The following RFTN1 variants were observed in gnomAD, a reference collection of about 807,000 sequenced individuals.
The protein encoded by RFTN1 is raftlin.
Under a neutral mutation model 46.5 loss-of-function variants are expected in RFTN1, and 26 were observed. That is an observed-to-expected ratio of 0.56 (90% confidence interval 0.41 to 0.78). The LOEUF (loss-of-function observed/expected upper bound fraction) is 0.78. Among genes scored for constraint, RFTN1 ranks in the 30% least tolerant of loss-of-function variants. The probability of loss-of-function intolerance (pLI) is 0.00; values close to 1 mark genes in which losing one functional copy is unlikely to be tolerated. For missense variants in RFTN1, 693 were observed against 718.7 expected, an observed-to-expected ratio of 0.96 and a Z score of 0.41; for synonymous variants, 261 against 284.2, an observed-to-expected ratio of 0.92 and a Z score of 0.82.
At chr3:16,357,116 A>G (rs2072489480) in intron 7 of RFTN1, among the ~76,000 whole-genome samples, 1 of 41,698 alleles carries the variant, frequency 2.4e-5, no homozygotes, top group African/African-American at 9.3e-5. Flanking sequence ...TGCCATCTCA[A>G]AAAAAAAAAA....
In RFTN1 at chr3:16,345,534, C is replaced by A. The variant is rs1304198792; in HGVS notation, c.1146+12398G>T. 6.6e-6 allele frequency among the ~76,000 whole-genome samples: 1 copy of A among 152,054 alleles called. No homozygotes were observed. The highest frequency in any genetic ancestry group is 1.9e-4 in the East Asian group (1 of 5,196). On this transcript the variant is annotated intron_variant, in intron 7 of 9. Transcript: ENST00000334133. The surrounding 1 kb of genome is among the most constrained non-coding windows in gnomAD (Gnocchi z 5.2). ...GTGGACACCATCCAGTCATTGAGGACCTGAACAGAACAAAGGGTGGAGGAA... is the reference window on the plus strand; with the variant it reads ...GTGGACACCATCCAGTCATTGAGGAACTGAACAGAACAAAGGGTGGAGGAA...
chr3:16,384,897 A>G lies in RFTN1; in HGVS notation c.442-6795T>C, dbSNP rs754534721. Among the ~76,000 whole-genome samples the G allele has an allele frequency of 5.9e-5, 9 of 152,162 alleles. No individual in the cohort carries two copies. Among genetic ancestry groups the G allele is most frequent in the Non-Finnish European group, 5.9e-5 (4 of 68,022 alleles). On this transcript the variant is annotated intron_variant, in intron 4 of 9. Coordinates refer to ENST00000334133, the MANE Select transcript of RFTN1 (RefSeq NM_015150.2). The surrounding 1 kb of genome is among the most constrained non-coding windows in gnomAD (Gnocchi z 4.7). The stretch of plus-strand genomic sequence containing the variant: ...CATATCCATCATCATAGAACGTTCT[A>G]TTGGGTAGCTCTGCTATAGAGCATA...
rs1252228760 is a variant in RFTN1 at position 16,422,474 on chromosome 3, C to CA, written c.332+11376dup. ...TGAAACCCCGTTTCTACTAAAAATA[C>CA]AAAAAAATTAGCTGGGCGTGGTGGC... On this transcript the variant is annotated intron_variant, in intron 3 of 9. Transcript: ENST00000334133. This position sits in a 1 kb window ranked among gnomAD's most constrained non-coding sequence, Gnocchi z 4.6. Among the ~76,000 whole-genome samples, 16 of 151,544 alleles carry CA rather than the reference C, an allele frequency of 1.1e-4. No homozygotes were observed. The highest frequency in any genetic ancestry group is 3.2e-4 in the African/African-American group (13 of 41,236).
intron 7 of RFTN1, among the ~76,000 whole-genome samples, chr3:16,330,727 TATA>T (rs1034548535): frequency 2.6e-5 from 4 of 152,250 alleles, no homozygotes; most frequent in African/African-American, 9.6e-5. Context: ...CTTTGTTCCC[TATA>T]ATTTCTCCAG....
At chr3:16,490,733 C>A (rs1208004884) in intron 2 of RFTN1, among the ~76,000 whole-genome samples, 1 of 152,114 alleles carries the variant, frequency 6.6e-6, no homozygotes, top group African/African-American at 2.4e-5. Context: ...TAGCCCAAAG[C>A]CCAAAATAAC....
In RFTN1 at chr3:16,356,605, C is replaced by T. The variant is rs2072452545; in HGVS notation, c.1146+1327G>A. Among the ~76,000 whole-genome samples the T allele has an allele frequency of 1.3e-5, 2 of 152,244 alleles. No individual in the cohort carries two copies. ...AACTCACCCCCCACCATCCCATCTC[C>T]ACTTCAATAACCAGGCAAGGGACTG... On this transcript the variant is annotated intron_variant, in intron 7 of 9. Transcript: ENST00000334133. The surrounding 1 kb of genome is among the most constrained non-coding windows in gnomAD (Gnocchi z 4.9).
intron 4 of RFTN1, among the ~76,000 whole-genome samples, chr3:16,394,696 G>A (rs578241): frequency 6.6e-6 from 1 of 152,128 alleles, no homozygotes; most frequent in African/African-American, 2.4e-5. Context: ...TTATGCACTC[G>A]CCTGTATTGA....
In RFTN1 at chr3:16,322,248, C is replaced by T. The variant is rs1345633065; in HGVS notation, c.1332+1128G>A. Reference sequence around the variant, plus strand: ...CACCTGTCACATTACACCTTCAGAGCCTGGAGAAAGACCTTCCTCCACACT... The same window carrying T: ...CACCTGTCACATTACACCTTCAGAGTCTGGAGAAAGACCTTCCTCCACACT... On this transcript the variant is annotated intron_variant, in intron 9 of 9. Coordinates refer to ENST00000334133, the MANE Select transcript of RFTN1 (RefSeq NM_015150.2). The surrounding 1 kb of genome is among the most constrained non-coding windows in gnomAD (Gnocchi z 6.2). 6.6e-6 allele frequency among the ~76,000 whole-genome samples: 1 copy of T among 152,200 alleles called. No individual in the cohort carries two copies. Among genetic ancestry groups the T allele is most frequent in the African/African-American group, 2.4e-5 (1 of 41,452 alleles).
At chr3:16,323,298 C>G (rs1304666786) in intron 9 of RFTN1, 78 bp downstream of exon 9, 3 of 1,074,228 alleles carry the variant, frequency 2.8e-6, no homozygotes, top group African/African-American at 3.2e-5. Context: ...GCAGGCTGCC[C>G]CCTCAAATGC....
chr3:16,323,104 A>G (rs544537458), intron 9 of RFTN1, among the ~76,000 whole-genome samples: 1 of 152,156 alleles, frequency 6.6e-6, no homozygotes, highest in Non-Finnish European at 1.5e-5. Context: ...CCTAGTGGGA[A>G]TATCTAGCAG....
chr3:16,338,072 AC>A lies in RFTN1; in HGVS notation c.1147-11197del, dbSNP rs1194842392. ...CATGCCAAGCTGGCAAGAAAACCAA[AC>A]CTGCATGTGCAAGATAACATTCTCC... On this transcript the variant is annotated intron_variant, in intron 7 of 9. Coordinates refer to ENST00000334133, the MANE Select transcript of RFTN1 (RefSeq NM_015150.2). The surrounding 1 kb of genome is among the most constrained non-coding windows in gnomAD (Gnocchi z 5.3). Among the ~76,000 whole-genome samples the A allele has an allele frequency of 6.6e-6, 1 of 152,158 alleles. No individual in the cohort carries two copies. Among genetic ancestry groups the A allele is most frequent in the Non-Finnish European group, 1.5e-5 (1 of 68,018 alleles).
In RFTN1 at chr3:16,424,753, T is replaced by A. The variant is rs1427595681; in HGVS notation, c.332+9098A>T. Among the ~76,000 whole-genome samples the A allele has an allele frequency of 1.3e-5, 2 of 152,194 alleles. No individual in the cohort carries two copies. Among genetic ancestry groups the A allele is most frequent in the Non-Finnish European group, 2.9e-5 (2 of 68,026 alleles). On this transcript the variant is annotated intron_variant, in intron 3 of 9. Transcript: ENST00000334133. This position sits in a 1 kb window ranked among gnomAD's most constrained non-coding sequence, Gnocchi z 4.7. ...TTAAAATATAAAATTTGGACAGATT[T>A]TAGAGACAATCATTATATAAAAATC...
chr3:16,414,364 C>T (rs1251512402), intron 3 of RFTN1, among the ~76,000 whole-genome samples: 2 of 151,208 alleles, frequency 1.3e-5, no homozygotes, highest in East Asian at 1.9e-4. Context: ...CCTAGCACTT[C>T]GGGAGGCTGA....
At chr3:16,502,772 C>T (rs1479492172) in intron 1 of RFTN1, among the ~76,000 whole-genome samples, 2 of 152,250 alleles carry the variant, frequency 1.3e-5, no homozygotes, top group African/African-American at 4.8e-5. Flanking sequence ...AACATCCTCA[C>T]TGCAACCTCA....
At position 16,500,072 on chromosome 3, in the gene RFTN1, G is replaced by A. The variant is rs139130941; in HGVS notation, c.-8-6195C>T. ...GCATCAGCCCACTAGGTGGAATCAT[G>A]CCCAGCGGTGCTATTCACTGACTTT... On this transcript the variant is annotated intron_variant, in intron 1 of 9. Coordinates refer to ENST00000334133, the MANE Select transcript of RFTN1 (RefSeq NM_015150.2). The surrounding 1 kb of genome is among the most constrained non-coding windows in gnomAD (Gnocchi z 5.9). Among the ~76,000 whole-genome samples the A allele has an allele frequency of 6.6e-6, 1 of 152,318 alleles. No individual in the cohort carries two copies. The highest frequency in any genetic ancestry group is 1.5e-5 in the Non-Finnish European group (1 of 68,032).
At position 16,495,225 on chromosome 3, in the gene RFTN1, C is replaced by A. The variant is rs531653557; in HGVS notation, c.-8-1348G>T. Among the ~76,000 whole-genome samples, 3 of 152,304 alleles carry A rather than the reference C, an allele frequency of 2.0e-5. No homozygotes were observed. The East Asian group carries it at 5.8e-4, about 29-fold the overall frequency. The stretch of plus-strand genomic sequence containing the variant: ...ACTTGTAAAATACTCTGTAGTTCTG[C>A]AGATGAAACAGCTGATATGTAAAAG... On this transcript the variant is annotated intron_variant, in intron 1 of 9. Transcript: ENST00000334133.
chr3:16,316,693 G>A lies in RFTN1; in HGVS notation c.*135C>T. The A allele has an allele frequency of 1.0e-6, 1 of 999,782 alleles. No individual in the cohort carries two copies. The highest frequency in any genetic ancestry group is 2.2e-5 in the Admixed American group (1 of 45,984). The allele number at this position is 999,782 out of a possible 1,614,324, so 61.9% of individuals were successfully genotyped here. A position where few individuals can be genotyped will look rare whatever the true frequency, so the allele number is the denominator to read the frequency against. On this transcript the variant is annotated 3_prime_UTR_variant, in exon 10 of 10. Coordinates refer to ENST00000334133, the MANE Select transcript of RFTN1 (RefSeq NM_015150.2). The surrounding 1 kb of genome is among the most constrained non-coding windows in gnomAD (Gnocchi z 4.5). ...CCTGGCCCTGGGAGGGCTCAGGTGAGCTCACAAGGAGAGGTCAAGCCAAGC... is the reference window on the plus strand; with the variant it reads ...CCTGGCCCTGGGAGGGCTCAGGTGAACTCACAAGGAGAGGTCAAGCCAAGC...
At position 16,465,432 on chromosome 3, in the gene RFTN1, A is replaced by G. The variant is rs1195417387; in HGVS notation, c.145+28293T>C. Among the ~76,000 whole-genome samples, 1 of 151,090 alleles carries G rather than the reference A, an allele frequency of 6.6e-6. No individual in the cohort carries two copies. Among genetic ancestry groups the G allele is most frequent in the Non-Finnish European group, 1.5e-5 (1 of 67,900 alleles). ...GCAGCTCAGAGGGACACACACACACACACACACACACACACACACACACCC... is the reference window on the plus strand; with the variant it reads ...GCAGCTCAGAGGGACACACACACACGCACACACACACACACACACACACCC... On this transcript the variant is annotated intron_variant, in intron 2 of 9. Coordinates refer to ENST00000334133, the MANE Select transcript of RFTN1 (RefSeq NM_015150.2). This position sits in a 1 kb window ranked among gnomAD's most constrained non-coding sequence, Gnocchi z 5.1.
chr3:16,457,405 G>C lies in RFTN1; in HGVS notation c.146-23368C>G, dbSNP rs1346465366. 6.6e-6 allele frequency among the ~76,000 whole-genome samples: 1 copy of C among 152,116 alleles called. No individual in the cohort carries two copies. Among genetic ancestry groups the C allele is most frequent in the Non-Finnish European group, 1.5e-5 (1 of 68,006 alleles). On this transcript the variant is annotated intron_variant, in intron 2 of 9. Coordinates refer to ENST00000334133, the MANE Select transcript of RFTN1 (RefSeq NM_015150.2). This position sits in a 1 kb window ranked among gnomAD's most constrained non-coding sequence, Gnocchi z 4.2. Reference sequence around the variant, plus strand: ...AAGAATAACAATATTTAACTGGTAGGATCTTCATAGGAATCCTATGAAGGG... The same window carrying C: ...AAGAATAACAATATTTAACTGGTAGCATCTTCATAGGAATCCTATGAAGGG...
Sources: gnomAD v4.1 joint callset for allele counts (sites outside exome capture counted in the v4.1 genomes callset) on GRCh38, gnomAD v4.1.1 for gene constraint, Gnocchi (gnomAD v3.1) non-coding constraint, MANE v1.5 for transcripts, NCBI Gene and HGNC (gene_info 2026-07-23, HGNC 2026-07-21) for gene names.